Variants in ALOX12 observed in about 807,000 individuals in gnomAD.
The protein encoded by ALOX12 is arachidonate 12-lipoxygenase, 12S type, also known as polyunsaturated fatty acid lipoxygenase ALOX12.
A neutral mutation model predicts 85.5 loss-of-function variants in ALOX12; 62 were observed. The observed-to-expected ratio is 0.73, with a 90% CI of 0.59 to 0.90. The LOEUF (loss-of-function observed/expected upper bound fraction) is 0.90, where lower values mean the gene tolerates loss of function less well. Among genes scored for constraint, ALOX12 ranks in the 40% least tolerant of loss-of-function variants. ALOX12 has a pLI of 0.00. For synonymous variants in ALOX12, 299 were observed against 332.7 expected (o/e 0.90, Z 1.10); for missense variants, 751 against 856.5 (o/e 0.88, Z 1.54).
chr17:7,000,141 A>C lies in ALOX12; in HGVS notation c.808-195A>C, dbSNP rs1472865886. Among the ~76,000 whole-genome samples, 1 of 152,134 alleles carries C rather than the reference A, an allele frequency of 6.6e-6. No homozygotes were observed. The highest frequency in any genetic ancestry group is 2.4e-5 in the African/African-American group (1 of 41,414). On this transcript the variant is annotated intron_variant, in intron 6 of 13. Coordinates refer to ENST00000251535, the MANE Select transcript of ALOX12 (RefSeq NM_000697.3). The surrounding 1 kb of genome is among the most constrained non-coding windows in gnomAD (Gnocchi z 4.6). ...ATCTGCCACCACATCCACACACAAG[A>C]CATCTACCCTCACCAGACTGTTTCT...
rs1044597489 is a variant in ALOX12, at chr17:7,010,523, C to G, written c.*100C>G. On this transcript the variant is annotated 3_prime_UTR_variant, in exon 14 of 14. Coordinates refer to ENST00000251535, the MANE Select transcript of ALOX12 (RefSeq NM_000697.3). ...TCCTAAAGTCTCTGCTGCTAAGGCT[C>G]TATTTCCTCCCCCAGTTAAACCCCC... The G allele has an allele frequency of 1.4e-5, 19 of 1,403,060 alleles. No individual in the cohort carries two copies. Among genetic ancestry groups the G allele is most frequent in the Non-Finnish European group, 1.6e-5 (17 of 1,049,594 alleles). The allele number at this position is 1,403,060 out of a possible 1,614,324, so 86.9% of individuals were successfully genotyped here. A position where few individuals can be genotyped will look rare whatever the true frequency, so the allele number is the denominator to read the frequency against.
At chr17:7,002,222 A>G (rs1908745968) in intron 8 of ALOX12, 2 of 330,960 alleles carry the variant, frequency 6.0e-6, no homozygotes, top group Non-Finnish European at 1.2e-5. Flanking sequence ...GAATGTTTCT[A>G]CCCAATTGAG....
At chr17:7,006,683 G>A in intron 11 of ALOX12, 76 bp downstream of exon 11, 12 of 1,502,418 alleles carry the variant, frequency 8.0e-6, no homozygotes, top group Non-Finnish European at 1.1e-5. Context: ...GCCCTTCTGG[G>A]GACAGGACCC....
chr17:7,005,020 CTT>C (rs1230185844), intron 8 of ALOX12, among the ~76,000 whole-genome samples: 1 of 150,136 alleles, frequency 6.7e-6, no homozygotes, highest in Non-Finnish European at 1.5e-5. Context: ...AGGTTATTAA[CTT>C]GGCCAAGTCT....
chr17:6,997,238 C>A, intron 2 of ALOX12: 1 of 750,738 alleles, frequency 1.3e-6, no homozygotes, highest in Non-Finnish European at 1.6e-6. Context: ...GCGTGTGAGG[C>A]TGGAGGCAGG....
In ALOX12 at chr17:7,006,611, A is replaced by G. The variant is rs1383755253; in HGVS notation, c.1540+4A>G. Reference sequence around the variant, plus strand: ...CTGTGCCAGGCCCAGGACCGAGGTAAGATCCATTCTAGAGACAGAAGAAGC... The same window carrying G: ...CTGTGCCAGGCCCAGGACCGAGGTAGGATCCATTCTAGAGACAGAAGAAGC... On this transcript the variant is annotated splice_donor_region_variant and intron_variant, in intron 11 of 13. Coordinates refer to ENST00000251535, the MANE Select transcript of ALOX12 (RefSeq NM_000697.3). 9 of 1,593,308 alleles carry G rather than the reference A, an allele frequency of 5.6e-6. No homozygotes were observed. Among genetic ancestry groups the G allele is most frequent in the East Asian group, 2.2e-5 (1 of 44,476 alleles).
chr17:6,998,559 A>G lies in ALOX12; in HGVS notation c.388A>G (p.Lys130Glu). The stretch of plus-strand genomic sequence containing the variant: ...GGACATGTTCCAGAAGCATCGAGAG[A>G]AGGAACTGAAAGACAGACAGCAGAT... The part of the protein sequence containing the change: ...ALDMFQKHRE[K>E]ELKDRQQIYC... Residue 130 changes from lysine to glutamate, a missense_variant, in exon 3 of 14, where the codon AAG becomes GAG. Transcript: ENST00000251535. 6.2e-7 allele frequency: 1 copy of G among 1,613,906 alleles called. No homozygotes were observed.
At position 6,999,295 on chromosome 17, in the gene ALOX12, G is replaced by T. The variant is rs2307218; in HGVS notation, c.647-11G>T. On this transcript the variant is annotated splice_polypyrimidine_tract_variant and intron_variant, in intron 5 of 13. Transcript: ENST00000251535. ...GTGGTACATATATCCTCCTTTCACC[G>T]CCCACCAAAGAGAAGGTTCGCCAGT... 22 of 1,614,118 alleles carry T rather than the reference G, an allele frequency of 1.4e-5. No individual in the cohort carries two copies. The highest frequency in any genetic ancestry group is 1.5e-5 in the Non-Finnish European group (18 of 1,179,978).
At chr17:6,996,584 G>A (rs1338407586) in intron 1 of ALOX12, among the ~76,000 whole-genome samples, 1 of 152,200 alleles carries the variant, frequency 6.6e-6, no homozygotes, top group East Asian at 1.9e-4. Flanking sequence ...GGAGAGCTCA[G>A]TTAATGGGAC....
intron 2 of ALOX12, 87 bp downstream of exon 2, chr17:6,997,114 G>A: frequency 6.9e-7 from 1 of 1,455,126 alleles, no homozygotes; most frequent in Non-Finnish European, 9.1e-7. Flanking sequence ...GGTCGGAGCA[G>A]ACTTAGAGGA....
At position 6,997,010 on chromosome 17, in the gene ALOX12, G is replaced by T; in HGVS notation, c.320G>T (p.Ser107Ile). 6.5e-7 allele frequency: 1 copy of T among 1,545,956 alleles called. No individual in the cohort carries two copies. Reference protein sequence around the residue: ...YRWVQGEDILSLPEGTARLPG... With the variant: ...YRWVQGEDILILPEGTARLPG... ...TGGGTGCAGGGCGAGGACATCCTGAGCCTGCCCGAGGGCACCGGTGAGCAG... is the reference window on the plus strand; with the variant it reads ...TGGGTGCAGGGCGAGGACATCCTGATCCTGCCCGAGGGCACCGGTGAGCAG... The change falls in exon 2 of 14, where the codon AGC becomes ATC. Residue 107 changes from serine (S) to isoleucine (I), a missense_variant. Ser to Ile is a moderately radical substitution (Grantham distance 142, BLOSUM62 -2). Coordinates refer to ENST00000251535, the MANE Select transcript of ALOX12 (RefSeq NM_000697.3).
intron 2 of ALOX12, among the ~76,000 whole-genome samples, chr17:6,998,188 G>A (rs917516550): frequency 6.6e-6 from 1 of 152,138 alleles, no homozygotes; most frequent in Admixed American, 6.5e-5. Flanking sequence ...CTTAATTAAG[G>A]TGATTTTTTT....
chr17:7,006,791 G>A (rs746151), intron 11 of ALOX12, among the ~76,000 whole-genome samples, 184 bp downstream of exon 11: 365 of 152,012 alleles, frequency 2.4e-3, no homozygotes, highest in African/African-American at 8.3e-3. Flanking sequence ...GAGACCCAAG[G>A]ACTGTCCTCC....
chr17:7,007,621 C>T (rs1367825178), intron 11 of ALOX12, among the ~76,000 whole-genome samples: 2 of 152,142 alleles, frequency 1.3e-5, no homozygotes, highest in African/African-American at 2.4e-5. Context: ...CAGTGGCTCA[C>T]GCTTGTAATC....
At chr17:7,006,704 T>C (rs1909104228) in intron 11 of ALOX12, 97 bp downstream of exon 11, 8 of 1,450,908 alleles carry the variant, frequency 5.5e-6, no homozygotes, top group Non-Finnish European at 7.4e-6. Context: ...CAGCCTCTCA[T>C]CACGCCTCCC....
intron 1 of ALOX12, 34 bp downstream of exon 1, chr17:6,996,286 G>A: frequency 8.2e-7 from 1 of 1,223,306 alleles, no homozygotes; most frequent in East Asian, 3.2e-5. Context: ...CTAGGGCAGC[G>A]GGGACCCCGG....
chr17:7,004,880 G>A (rs1204298533), intron 8 of ALOX12, among the ~76,000 whole-genome samples: 2 of 152,192 alleles, frequency 1.3e-5, no homozygotes, highest in African/African-American at 4.8e-5. Flanking sequence ...GAAGCAGACA[G>A]CTACTATTCC....
intron 1 of ALOX12, 41 bp from the exon 2 acceptor site, chr17:6,996,785 G>C: frequency 4.4e-6 from 7 of 1,573,774 alleles, no homozygotes; most frequent in Non-Finnish European, 6.1e-6. Flanking sequence ...GCCTCAGTCG[G>C]GTCCCTCCTA....
chr17:7,001,372 C>A, intron 7 of ALOX12: 1 of 566,044 alleles, frequency 1.8e-6, no homozygotes, highest in Non-Finnish European at 3.2e-6. Flanking sequence ...TTCTCCCACA[C>A]CACTGTTAGG....
Sources: allele counts gnomAD v4.1 joint callset (sites outside exome capture counted in the v4.1 genomes callset), GRCh38; gene constraint gnomAD v4.1.1; non-coding constraint Gnocchi (gnomAD v3.1); transcripts MANE v1.5; gene names NCBI Gene and HGNC (gene_info 2026-07-23, HGNC 2026-07-21).